PCDHGB2: variants seen among roughly 807,000 people sequenced by gnomAD.
The protein encoded by PCDHGB2 is protocadherin gamma-B2.
PCDHGB2 carries 55 observed loss-of-function variants against 59.3 expected under a neutral mutation model. That is an observed-to-expected ratio of 0.93 (90% CI 0.75 to 1.16). PCDHGB2 has a LOEUF of 1.16. Ranked by LOEUF, PCDHGB2 falls within the 50% of genes most tolerant of loss-of-function variation. The pLI, the probability that PCDHGB2 is intolerant of heterozygous loss-of-function variation, is 0.00. For synonymous variants in PCDHGB2, 516 were observed against 512.0 expected (o/e 1.01, Z -0.11); for missense variants, 1,228 against 1,198.5 (o/e 1.02, Z -0.36).
rs141363854 is a variant in PCDHGB2, at chr5:141,371,204, T to C, written c.2421+8648T>C. 1.5e-4 allele frequency: 240 copies of C among 1,614,012 alleles called. 1 individual carries two copies. The African/African-American group carries it at 3.0e-3, about 20-fold the overall frequency. ...TAAAAGTGATGGCCATTGACATGGA[T>C]GAGGGCATCAATGCCGAAATCATCT... On this transcript the variant is annotated intron_variant, in intron 1 of 3. Coordinates refer to ENST00000522605, the MANE Select transcript of PCDHGB2 (RefSeq NM_018923.3).
At chr5:141,408,211 G>C in intron 1 of PCDHGB2, 1 of 1,554,426 alleles carries the variant, frequency 6.4e-7, no homozygotes, top group Non-Finnish European at 8.7e-7. Context: ...CGATGGGAGG[G>C]AGCTGCGCGC....
chr5:141,485,259 G>C lies in PCDHGB2; in HGVS notation c.2422-9548G>C. ...TTTTACCACCTGGGTTACGTTTGTGGGCAGATCCGCTACCCGGTCCCAGAG... is the reference window on the plus strand; with the variant it reads ...TTTTACCACCTGGGTTACGTTTGTGCGCAGATCCGCTACCCGGTCCCAGAG... On this transcript the variant is annotated intron_variant, in intron 1 of 3. Coordinates refer to ENST00000522605, the MANE Select transcript of PCDHGB2 (RefSeq NM_018923.3). The surrounding 1 kb of genome is among the most constrained non-coding windows in gnomAD (Gnocchi z 5.7). 1.2e-6 allele frequency: 2 copies of C among 1,614,136 alleles called. No homozygotes were observed. The highest frequency in any genetic ancestry group is 1.7e-6 in the Non-Finnish European group (2 of 1,180,002).
chr5:141,405,431 T>C (rs1308544171), intron 1 of PCDHGB2: 18 of 1,490,646 alleles, frequency 1.2e-5, no homozygotes, highest in Non-Finnish European at 1.6e-5. Context: ...TGTTTTGTTT[T>C]GTTTTTGAGA....
intron 1 of PCDHGB2, among the ~76,000 whole-genome samples, chr5:141,454,924 C>T (rs1252057038): frequency 6.7e-6 from 1 of 149,858 alleles, no homozygotes; most frequent in Non-Finnish European, 1.5e-5. Context: ...TCTCCTGCCT[C>T]AGCCTCCCGA....
rs1020143604 is a variant in PCDHGB2, at chr5:141,387,463, C to T, written c.2421+24907C>T. 8.8e-4 allele frequency among the ~76,000 whole-genome samples: 134 copies of T among 152,318 alleles called. 2 individuals are homozygous for T. Among genetic ancestry groups the T allele is most frequent in the East Asian group, 3.9e-4 (2 of 5,186 alleles). ...TAATCTACATGATTTGCCTAAAAAT[C>T]CTCAAAGTTGGGATGAAGGCATTCC... On this transcript the variant is annotated intron_variant, in intron 1 of 3. Transcript: ENST00000522605.
chr5:141,378,535 T>A (rs1235721694), intron 1 of PCDHGB2: 1 of 152,092 alleles, frequency 6.6e-6, no homozygotes, highest in Non-Finnish European at 1.5e-5. Flanking sequence ...AAAATAATAA[T>A]GATAATTAAT....
At chr5:141,508,295 G>C (rs989632251) in intron 3 of PCDHGB2, 5 of 152,202 alleles carry the variant, frequency 3.3e-5, no homozygotes, top group Non-Finnish European at 7.3e-5. Context: ...TGGGCCTTGG[G>C]GGGAGTGGGG....
At chr5:141,429,445 G>C (rs2097215795) in intron 1 of PCDHGB2, among the ~76,000 whole-genome samples, 1 of 151,758 alleles carries the variant, frequency 6.6e-6, no homozygotes, top group Admixed American at 6.6e-5. Context: ...AAACTCTTGG[G>C]CTACAGTAAT....
chr5:141,381,459 T>C (rs565448473), intron 1 of PCDHGB2, among the ~76,000 whole-genome samples: 2 of 152,378 alleles, frequency 1.3e-5, no homozygotes, highest in South Asian at 4.1e-4. Flanking sequence ...TGCATTTTGC[T>C]CAAATGCTGT....
chr5:141,383,634 T>G (rs1364470063), intron 1 of PCDHGB2: 1 of 1,613,914 alleles, frequency 6.2e-7, no homozygotes, highest in African/African-American at 1.3e-5. Context: ...TCTCTCTGCC[T>G]CAGTACCAAG....
chr5:141,498,814 T>G (rs2099785952), intron 2 of PCDHGB2, among the ~76,000 whole-genome samples: 1 of 151,956 alleles, frequency 6.6e-6, no homozygotes. Flanking sequence ...ACACCTGTAG[T>G]CCCAGCTACT....
chr5:141,470,242 T>G (rs1301513342), intron 1 of PCDHGB2, among the ~76,000 whole-genome samples: 1 of 152,226 alleles, frequency 6.6e-6, no homozygotes, highest in African/African-American at 2.4e-5. Flanking sequence ...CCCTTGAATG[T>G]CCCACCTGTC....
At chr5:141,508,017 G>C (rs2099865601) in intron 3 of PCDHGB2, 1 of 152,310 alleles carries the variant, frequency 6.6e-6, no homozygotes, top group Non-Finnish European at 1.5e-5. Context: ...TCTCAAGGAG[G>C]CTGCGGTTTG....
At chr5:141,403,178 T>G in intron 1 of PCDHGB2, 3 of 1,613,980 alleles carry the variant, frequency 1.9e-6, no homozygotes, top group Non-Finnish European at 2.5e-6. Context: ...GCAGCTTTTC[T>G]CTCTGAACCC....
In PCDHGB2 at chr5:141,505,471, G is replaced by A. The variant is rs766596231; in HGVS notation, c.2559G>A (p.Ala853=). The A allele has an allele frequency of 3.4e-5, 55 of 1,614,244 alleles. No individual in the cohort carries two copies. The highest frequency in any genetic ancestry group is 1.1e-4 in the East Asian group (5 of 44,880). ...AGATGCTGCAAGCCATGATCTTGGCGTCCGCCAGTGGTAAGTGGTGTCAGT... is the reference window on the plus strand; with the variant it reads ...AGATGCTGCAAGCCATGATCTTGGCATCCGCCAGTGGTAAGTGGTGTCAGT... ...DTEMLQAMIL[A]SASEAADGSS... Residue 853 remains alanine (A), a synonymous_variant, in exon 3 of 4, where the codon GCG becomes GCA. Coordinates refer to ENST00000522605, the MANE Select transcript of PCDHGB2 (RefSeq NM_018923.3).
chr5:141,501,441 A>G (rs547792017), intron 2 of PCDHGB2, among the ~76,000 whole-genome samples: 1 of 151,898 alleles, frequency 6.6e-6, no homozygotes, highest in African/African-American at 2.4e-5. Context: ...CATTTCTTCC[A>G]TTTTTACTTT....
Position 141,409,176 on chromosome 5 carries a change from G to A in PCDHGB2, c.2421+46620G>A. On this transcript the variant is annotated intron_variant, in intron 1 of 3. Transcript: ENST00000522605. ...ATGGAAGTGGAAGCGAAGGACGGAG[G>A]TGGTCTCTCTACCCAGTGTAAAGTA... The A allele has an allele frequency of 6.2e-7, 1 of 1,614,026 alleles. No individual in the cohort carries two copies. The highest frequency in any genetic ancestry group is 8.5e-7 in the Non-Finnish European group (1 of 1,179,892).
chr5:141,430,383 G>GAAA (rs139772145), intron 1 of PCDHGB2, among the ~76,000 whole-genome samples: 2 of 138,566 alleles, frequency 1.4e-5, no homozygotes, highest in South Asian at 4.6e-4. Flanking sequence ...AGCTCATTGG[G>GAAA]AAAAAAAAAA....
intron 1 of PCDHGB2, among the ~76,000 whole-genome samples, chr5:141,444,229 T>G (rs957213677): frequency 4.6e-5 from 6 of 130,226 alleles, no homozygotes; most frequent in Admixed American, 9.4e-5. Context: ...TGGAGTGCAA[T>G]GGCATGCTCT....
Sources: gnomAD v4.1 joint callset for allele counts (sites outside exome capture counted in the v4.1 genomes callset) on GRCh38, gnomAD v4.1.1 for gene constraint, Gnocchi (gnomAD v3.1) non-coding constraint, MANE v1.5 for transcripts, NCBI Gene and HGNC (gene_info 2026-07-23, HGNC 2026-07-21) for gene names.